SDK2: variants seen among roughly 807,000 people sequenced by gnomAD.
SDK2 encodes the protein sidekick cell adhesion molecule 2, also known as protein sidekick-2.
Under a neutral mutation model 253.9 loss-of-function variants are expected in SDK2, and 105 were observed. That is an observed-to-expected ratio of 0.41 (90% CI 0.35 to 0.49). The LOEUF is 0.49. SDK2 is among the 20% of genes least tolerant of loss of function. The probability of loss-of-function intolerance (pLI) is 0.06; values close to 1 mark genes in which losing one functional copy is unlikely to be tolerated. For synonymous variants in SDK2, 1,249 were observed against 1,234.9 expected, an observed-to-expected ratio of 1.01 and a Z score of -0.24; for missense variants, 2,608 against 3,003.0, an observed-to-expected ratio of 0.87 and a Z score of 3.07.
At position 73,380,912 on chromosome 17, in the gene SDK2, T is replaced by G. The variant is rs1302399371; in HGVS notation, c.4744A>C (p.Thr1582Pro). 1.3e-6 allele frequency: 2 copies of G among 1,568,462 alleles called. No individual in the cohort carries two copies. Among genetic ancestry groups the G allele is most frequent in the Non-Finnish European group, 1.7e-6 (2 of 1,157,272 alleles). ...GACTTACTGTCCAGCTCGTACTGCGTGAGGCTGGGCCGGCTCAGGTTCCGC... is the reference window on the plus strand; with the variant it reads ...GACTTACTGTCCAGCTCGTACTGCGGGAGGCTGGGCCGGCTCAGGTTCCGC... ...SMRNLSRPSL[T>P]QYELDNLNKH... The change falls in exon 34 of 45, where the codon ACG (threonine) becomes CCG (proline). Residue 1582 changes from threonine (T) to proline (P), a missense_variant. Thr to Pro is a conservative substitution (Grantham distance 38). Coordinates refer to ENST00000392650, the MANE Select transcript of SDK2 (RefSeq NM_001144952.2).
At chr17:73,600,689 G>A (rs2045825812) in intron 1 of SDK2, among the ~76,000 whole-genome samples, 1 of 152,226 alleles carries the variant, frequency 6.6e-6, no homozygotes, top group African/African-American at 2.4e-5. Context: ...ACTTGATCTG[G>A]CATCAAGTCC....
chr17:73,521,011 C>A (rs1479327515), intron 1 of SDK2: 1 of 150,624 alleles, frequency 6.6e-6, no homozygotes, highest in Non-Finnish European at 1.5e-5. Flanking sequence ...GTACTAAGTG[C>A]CACTGAATTG....
At chr17:73,607,722 C>A (rs764653015) in intron 1 of SDK2, among the ~76,000 whole-genome samples, 1 of 152,072 alleles carries the variant, frequency 6.6e-6, no homozygotes, top group African/African-American at 2.4e-5. Flanking sequence ...AGAGGCCACA[C>A]GGCTGGAAAG....
At chr17:73,452,350 G>T (rs570108075) in intron 4 of SDK2, among the ~76,000 whole-genome samples, 1 of 152,110 alleles carries the variant, frequency 6.6e-6, no homozygotes, top group South Asian at 2.1e-4. Context: ...TTGCTGCCAG[G>T]GACCTTTTCT....
intron 9 of SDK2, among the ~76,000 whole-genome samples, chr17:73,434,251 AC>A (rs1020139841): frequency 1.3e-5 from 2 of 152,202 alleles, no homozygotes; most frequent in African/African-American, 4.8e-5. Context: ...CAAGAGGGGG[AC>A]TTCTGCCACT....
intron 1 of SDK2, among the ~76,000 whole-genome samples, chr17:73,573,219 G>A (rs1338447507): frequency 2.6e-5 from 4 of 152,240 alleles, no homozygotes; most frequent in Non-Finnish European, 4.4e-5. Context: ...CGGTCGTTGG[G>A]CAATGGAAGT....
chr17:73,563,543 C>A (rs1454432990), intron 1 of SDK2, among the ~76,000 whole-genome samples: 1 of 152,136 alleles, frequency 6.6e-6, no homozygotes, highest in Non-Finnish European at 1.5e-5. Flanking sequence ...CAGGCCACTG[C>A]CCTCCAGTTT....
rs2046070918 is a variant in SDK2, at chr17:73,617,223, G to GCCTCCC, written c.64+26801_64+26802insGGGAGG. Among the ~76,000 whole-genome samples, 2 of 146,748 alleles carry GCCTCCC rather than the reference G, an allele frequency of 1.4e-5. 1 individual carries two copies. Among genetic ancestry groups the GCCTCCC allele is most frequent in the Non-Finnish European group, 3.0e-5 (2 of 66,032 alleles). ...GCCTCCTGCAGAGAGGAGGGGAGAG[G>GCCTCCC]GCTCCCGCAGAGGGGAGGGGAGAGG... On this transcript the variant is annotated intron_variant, in intron 1 of 44. Transcript: ENST00000392650.
Position 73,479,914 on chromosome 17 carries a change from A to T in SDK2, c.225-7696T>A, listed in dbSNP as rs141121646. Among the ~76,000 whole-genome samples the T allele has an allele frequency of 8.2e-3, 1,254 of 152,280 alleles. 10 individuals carry two copies. Among genetic ancestry groups the T allele is most frequent in the African/African-American group, 0.023 (948 of 41,552 alleles). ...CGCCATGTTGGCCAGGCTGATCTTG[A>T]ACTCCTGACCTCAGGTGATCCACCT... On this transcript the variant is annotated intron_variant, in intron 2 of 44. Transcript: ENST00000392650.
intron 1 of SDK2, among the ~76,000 whole-genome samples, chr17:73,544,686 T>C (rs1461722700): frequency 6.6e-6 from 1 of 152,206 alleles, no homozygotes; most frequent in Admixed American, 6.5e-5. Context: ...AGTCGCATCA[T>C]GTCAAGAATC....
intron 15 of SDK2, among the ~76,000 whole-genome samples, chr17:73,420,121 G>A (rs1048766606): frequency 6.6e-6 from 1 of 152,214 alleles, no homozygotes; most frequent in East Asian, 1.9e-4. Context: ...GTGAGGGAGA[G>A]AGCCAAGGAC....
chr17:73,400,874 C>T (rs1446973893), intron 21 of SDK2, 146 bp downstream of exon 21: 3 of 748,142 alleles, frequency 4.0e-6, no homozygotes, highest in Middle Eastern at 3.9e-4. Context: ...TCTCGAACTC[C>T]TGACCTCAAG....
At chr17:73,491,569 C>T (rs901808330) in intron 2 of SDK2, among the ~76,000 whole-genome samples, 9 of 152,142 alleles carry the variant, frequency 5.9e-5, no homozygotes, top group African/African-American at 2.2e-4. Flanking sequence ...GACGAGGTCT[C>T]GCTATGTTGC....
rs916824493 is a variant in SDK2, at chr17:73,467,554, G to T, written c.331+4558C>A. Among the ~76,000 whole-genome samples the T allele has an allele frequency of 4.6e-5, 7 of 152,110 alleles. No individual in the cohort carries two copies. The highest frequency in any genetic ancestry group is 7.2e-5 in the African/African-American group (3 of 41,418). On this transcript the variant is annotated intron_variant, in intron 3 of 44. Transcript: ENST00000392650. The surrounding 1 kb of genome is among the most constrained non-coding windows in gnomAD (Gnocchi z 4.1). ...TAGGCCCAGAATCCCAGGGAAGTGG[G>T]GCTGGGACAGAGGATTCTTCAGCTT... is the stretch of plus-strand genomic sequence containing the variant.
chr17:73,535,135 C>T (rs927603357), intron 1 of SDK2, among the ~76,000 whole-genome samples: 6 of 152,334 alleles, frequency 3.9e-5, no homozygotes, highest in Admixed American at 3.3e-4. Context: ...AAGGTGGCCT[C>T]GACGCCAAGC....
chr17:73,594,946 A>T (rs1164383404), intron 1 of SDK2, among the ~76,000 whole-genome samples: 1 of 152,070 alleles, frequency 6.6e-6, no homozygotes, highest in Non-Finnish European at 1.5e-5. Flanking sequence ...GTGCACACAC[A>T]CATACAACAG....
At chr17:73,622,387 C>CCT (rs1406878679) in intron 1 of SDK2, among the ~76,000 whole-genome samples, 8 of 152,242 alleles carry the variant, frequency 5.3e-5, no homozygotes, top group Admixed American at 2.0e-4. Context: ...GTCTCTCCTC[C>CCT]CTCTGTGAGT....
Position 73,491,679 on chromosome 17 carries a change from A to G in SDK2, c.224+15759T>C, listed in dbSNP as rs180841965. Among the ~76,000 whole-genome samples, 325 of 152,322 alleles carry G rather than the reference A, an allele frequency of 2.1e-3. 6 individuals carry two copies. The highest frequency in any genetic ancestry group is 0.02 in the Admixed American group (300 of 15,312). On this transcript the variant is annotated intron_variant, in intron 2 of 44. Coordinates refer to ENST00000392650, the MANE Select transcript of SDK2 (RefSeq NM_001144952.2). The stretch of plus-strand genomic sequence containing the variant: ...TCACAGGCAGCAGGTCCCAGATTCA[A>G]TCCCACCAGCTCTGAGCTTTCTGCT...
rs138063593 is a variant in SDK2 at position 73,398,481 on chromosome 17, G to A, written c.3094-52C>T. 6.0e-6 allele frequency: 9 copies of A among 1,502,030 alleles called. No homozygotes were observed. In the East Asian group the frequency reaches 1.8e-4, roughly 30 times the overall value. The allele number at this position is 1,502,030 out of a possible 1,614,324, so 93.0% of individuals were successfully genotyped here. A position where few individuals can be genotyped will look rare whatever the true frequency, so the allele number is the denominator to read the frequency against. On this transcript the variant is annotated intron_variant, in intron 22 of 44. Coordinates refer to ENST00000392650, the MANE Select transcript of SDK2 (RefSeq NM_001144952.2). Reference sequence around the variant, plus strand: ...GTCCAGCCTACAGGGCCCACACGGGGTGCTCCGAGCCCCAGTACAAGCCCT... The same window carrying A: ...GTCCAGCCTACAGGGCCCACACGGGATGCTCCGAGCCCCAGTACAAGCCCT...
Sources: allele counts gnomAD v4.1 joint callset (sites outside exome capture counted in the v4.1 genomes callset), GRCh38; gene constraint gnomAD v4.1.1; non-coding constraint Gnocchi (gnomAD v3.1); transcripts MANE v1.5; gene names NCBI Gene and HGNC (gene_info 2026-07-23, HGNC 2026-07-21).